The following PFKFB4 variants were observed in gnomAD, a reference collection of about 807,000 sequenced individuals.
PFKFB4 encodes the protein 6-phosphofructo-2-kinase/fructose-2,6-bisphosphatase 4.
A neutral mutation model predicts 62.8 loss-of-function variants in PFKFB4; 42 were observed. That is an observed-to-expected ratio of 0.67 (90% CI 0.52 to 0.86). The LOEUF is 0.86. Ranked by LOEUF, PFKFB4 falls within the 40% of genes least tolerant of loss-of-function variation. The pLI, the probability that PFKFB4 is intolerant of heterozygous loss-of-function variation, is 0.00. For synonymous variants in PFKFB4, 204 were observed against 240.7 expected, an observed-to-expected ratio of 0.85 and a Z score of 1.41; for missense variants, 475 against 627.2, an observed-to-expected ratio of 0.76 and a Z score of 2.59.
At chr3:48,527,307 T>C (rs2042295411) in intron 9 of PFKFB4, among the ~76,000 whole-genome samples, 1 of 148,062 alleles carries the variant, frequency 6.8e-6, no homozygotes, top group Admixed American at 6.8e-5. Context: ...TTTGAGACAG[T>C]CTTACTCTGT....
Position 48,549,787 on chromosome 3 carries a change from T to C in PFKFB4, c.311+77A>G, listed in dbSNP as rs2043074885. The C allele has an allele frequency of 3.4e-6, 3 of 889,912 alleles. No homozygotes were observed. The Admixed American group carries it at 5.2e-5, about 15-fold the overall frequency. The allele number at this position is 889,912 out of a possible 1,614,324, so 55.1% of individuals were successfully genotyped here. A position where few individuals can be genotyped will look rare whatever the true frequency, so the allele number is the denominator to read the frequency against. On this transcript the variant is annotated intron_variant, in intron 3 of 13. Coordinates refer to ENST00000232375, the MANE Select transcript of PFKFB4 (RefSeq NM_004567.4). ...TCCACTCCAGGGGCTTCTCAGTAAA[T>C]GGTCAGTAATGTGTTAGCTTTCTCC...
At chr3:48,538,643 A>G in intron 6 of PFKFB4, 24 bp from the exon 7 acceptor site, 1 of 1,614,010 alleles carries the variant, frequency 6.2e-7, no homozygotes, top group Non-Finnish European at 8.5e-7. Context: ...GCACAGAGAA[A>G]GGACATATCA....
At chr3:48,548,454 T>G (rs893348905) in intron 3 of PFKFB4, 6 of 152,052 alleles carry the variant, frequency 3.9e-5, no homozygotes, top group Admixed American at 2.6e-4. Context: ...AGAGTGAGAC[T>G]CCATCACACA....
chr3:48,542,194 C>T (rs932050516), intron 4 of PFKFB4, among the ~76,000 whole-genome samples: 3 of 151,842 alleles, frequency 2.0e-5, no homozygotes, highest in African/African-American at 7.3e-5. Flanking sequence ...ATTAGCCGGG[C>T]ACAGTGGCGG....
chr3:48,551,574 G>A (rs1427665410), intron 1 of PFKFB4, among the ~76,000 whole-genome samples: 3 of 100,330 alleles, frequency 3.0e-5, no homozygotes, highest in Admixed American at 3.2e-4. Flanking sequence ...TCGCTCTGTC[G>A]CCCTTGCCCA....
intron 4 of PFKFB4, among the ~76,000 whole-genome samples, chr3:48,540,277 G>A (rs140509154): frequency 9.2e-5 from 14 of 152,318 alleles, no homozygotes; most frequent in Non-Finnish European, 1.5e-4. Flanking sequence ...AGAGATCCAC[G>A]GTGACGGACT....
chr3:48,536,805 A>G, intron 7 of PFKFB4: 2 of 297,466 alleles, frequency 6.7e-6, no homozygotes, highest in East Asian at 1.4e-4. Context: ...CTATCTCCGC[A>G]CTCTCAATAC....
chr3:48,560,190 C>T (rs2043410857), upstream of PFKFB4, among the ~76,000 whole-genome samples: 1 of 152,192 alleles, frequency 6.6e-6, no homozygotes, highest in Admixed American at 6.5e-5. Flanking sequence ...GCTGCACATG[C>T]ACACACAGAC....
chr3:48,539,356 G>A (rs747330124), intron 5 of PFKFB4, 46 bp from the exon 6 acceptor site: 5 of 1,550,000 alleles, frequency 3.2e-6, no homozygotes, highest in East Asian at 2.2e-5. Flanking sequence ...GGAGGAACAC[G>A]GACATGTTCA....
chr3:48,527,558 T>C (rs2042302187), intron 9 of PFKFB4, among the ~76,000 whole-genome samples: 1 of 152,146 alleles, frequency 6.6e-6, no homozygotes, highest in Admixed American at 6.6e-5. Context: ...TGGAAGAATT[T>C]TGTGGTGCAT....
intron 13 of PFKFB4, among the ~76,000 whole-genome samples, 170 bp from the exon 14 acceptor site, chr3:48,519,976 C>T (rs983646274): frequency 6.6e-6 from 1 of 152,172 alleles, no homozygotes; most frequent in Non-Finnish European, 1.5e-5. Flanking sequence ...CCAAGAGCTT[C>T]GTGCCACATA....
chr3:48,551,829 G>A (rs1193937526), intron 1 of PFKFB4, among the ~76,000 whole-genome samples: 1 of 152,154 alleles, frequency 6.6e-6, no homozygotes, highest in Non-Finnish European at 1.5e-5. Context: ...ACAGGCGTGA[G>A]CCCAGCCCTC....
At chr3:48,558,471 A>T (rs909430025), upstream of PFKFB4, among the ~76,000 whole-genome samples, 1 of 152,228 alleles carries the variant, frequency 6.6e-6, no homozygotes, top group African/African-American at 2.4e-5. Context: ...CGTGGGCTAT[A>T]GGTGTAGCAC....
chr3:48,557,015 T>G, upstream of PFKFB4: 1 of 1,324,672 alleles, frequency 7.5e-7, no homozygotes, highest in Non-Finnish European at 9.8e-7. Context: ...GTGGGCCCAG[T>G]TCTTCAGGCC....
intron 10 of PFKFB4, among the ~76,000 whole-genome samples, chr3:48,525,105 A>G (rs1312598883): frequency 6.6e-6 from 1 of 152,120 alleles, no homozygotes; most frequent in Non-Finnish European, 1.5e-5. Context: ...CAGGCCTGCC[A>G]TGGTCTCCCC....
chr3:48,539,355 C>A (rs771692557), intron 5 of PFKFB4, 45 bp from the exon 6 acceptor site: 104 of 1,550,996 alleles, frequency 6.7e-5, no homozygotes, highest in Non-Finnish European at 9.1e-5. Flanking sequence ...GGGAGGAACA[C>A]GGACATGTTC....
At chr3:48,522,737 G>A (rs1019300584) in intron 12 of PFKFB4, among the ~76,000 whole-genome samples, 3 of 151,980 alleles carry the variant, frequency 2.0e-5, no homozygotes, top group Non-Finnish European at 1.5e-5. Context: ...GGTCTTCTGT[G>A]GCCACATAAA....
At chr3:48,537,436 C>A (rs543941319) in intron 7 of PFKFB4, among the ~76,000 whole-genome samples, 1 of 152,070 alleles carries the variant, frequency 6.6e-6, no homozygotes, top group African/African-American at 2.4e-5. Context: ...GGCTCTAGAA[C>A]CCAGCTGAGG....
chr3:48,519,827 G>T, intron 13 of PFKFB4, 21 bp from the exon 14 acceptor site: 1 of 1,605,578 alleles, frequency 6.2e-7, no homozygotes, highest in Non-Finnish European at 8.5e-7. Flanking sequence ...AAAACACAGA[G>T]CGTTCACTCC....
Sources: allele counts gnomAD v4.1 joint callset (sites outside exome capture counted in the v4.1 genomes callset), GRCh38; gene constraint gnomAD v4.1.1; transcripts MANE v1.5; gene names NCBI Gene and HGNC (gene_info 2026-07-23, HGNC 2026-07-21).